SPAG16: variants seen among roughly 807,000 people sequenced by gnomAD.
SPAG16 encodes the protein sperm-associated antigen 16 protein.
In SPAG16, 86 loss-of-function variants were observed where a neutral mutation model predicts 80.4. The ratio of observed to expected loss-of-function variants is 1.07; its 90% CI spans 0.90 to 1.28. The LOEUF (loss-of-function observed/expected upper bound fraction) is 1.28. SPAG16 is among the 50% of genes most tolerant of loss of function. SPAG16 has a pLI of 0.00. For synonymous variants in SPAG16, 294 were observed against 265.9 expected (o/e 1.11, Z -1.03); for missense variants, 870 against 765.3 (o/e 1.14, Z -1.61).
intron 10 of SPAG16, among the ~76,000 whole-genome samples, chr2:213,831,224 G>A (rs2073632895): frequency 6.6e-6 from 1 of 151,426 alleles, no homozygotes; most frequent in Non-Finnish European, 1.5e-5. Flanking sequence ...ATTTTTAGTA[G>A]AGACGGGGTT....
At chr2:213,719,508 C>T (rs890564223) in intron 10 of SPAG16, among the ~76,000 whole-genome samples, 1 of 152,174 alleles carries the variant, frequency 6.6e-6, no homozygotes, top group African/African-American at 2.4e-5. Flanking sequence ...CCAATCAGCA[C>T]CCTGACAAAA....
At chr2:214,052,898 G>A (rs1575989724) in intron 13 of SPAG16, among the ~76,000 whole-genome samples, 1 of 152,180 alleles carries the variant, frequency 6.6e-6, no homozygotes, top group African/African-American at 2.4e-5. Context: ...TGTGGTTGAG[G>A]TGCGTTAGAG....
chr2:213,405,480 C>T (rs74392856), intron 9 of SPAG16, among the ~76,000 whole-genome samples: 123 of 152,300 alleles, frequency 8.1e-4, no homozygotes, highest in African/African-American at 2.9e-3. Context: ...CTGTTGGGAA[C>T]ATTCCAAATA....
intron 13 of SPAG16, among the ~76,000 whole-genome samples, chr2:214,076,876 T>C (rs538464777): frequency 1.6e-4 from 25 of 152,258 alleles, no homozygotes; most frequent in African/African-American, 4.6e-4. Context: ...ACCATCAACT[T>C]GTACCCTGAT....
chr2:213,928,028 A>G (rs890680165), intron 11 of SPAG16, among the ~76,000 whole-genome samples: 5 of 152,218 alleles, frequency 3.3e-5, no homozygotes. Flanking sequence ...TGAAGGGACT[A>G]GCTGCCATTT....
intron 15 of SPAG16, among the ~76,000 whole-genome samples, chr2:214,205,176 A>T (rs2058107115): frequency 6.6e-6 from 1 of 152,120 alleles, no homozygotes; most frequent in Admixed American, 6.6e-5. Flanking sequence ...GTGAGCCAAG[A>T]TCACGCCACT....
chr2:213,467,644 A>C (rs779881687), intron 9 of SPAG16, among the ~76,000 whole-genome samples: 2 of 152,204 alleles, frequency 1.3e-5, no homozygotes, highest in Non-Finnish European at 2.9e-5. Context: ...CAACTTTCAG[A>C]GTCACTTGGG....
intron 10 of SPAG16, among the ~76,000 whole-genome samples, chr2:213,636,341 T>C (rs1179281469): frequency 6.6e-6 from 1 of 152,236 alleles, no homozygotes; most frequent in African/African-American, 2.4e-5. Context: ...CTTGCTGTTT[T>C]CATGACTATA....
intron 13 of SPAG16, among the ~76,000 whole-genome samples, chr2:214,081,136 T>C (rs2051371477): frequency 6.6e-6 from 1 of 151,198 alleles, no homozygotes; most frequent in African/African-American, 2.4e-5. Flanking sequence ...ACATTTAACA[T>C]ATATATATGC....
intron 13 of SPAG16, among the ~76,000 whole-genome samples, chr2:214,031,272 G>T (rs911116104): frequency 2.4e-4 from 36 of 151,484 alleles, no homozygotes; most frequent in African/African-American, 7.5e-4. Context: ...AAAATGATGA[G>T]TTCATGTCCT....
rs752327083 is a variant in SPAG16 at position 214,410,285 on chromosome 2, C to A, written c.1866C>A (p.Gly622=). ...ACGGGGAGATTCTCTTTTCTGGAGG[C>A]TCTGACGGCACAGTTCGAACGTGGT... ...SHDGEILFSG[G]SDGTVRTWS The change falls in exon 16 of 16, where the codon GGC becomes GGA. Residue 622 remains glycine (G), a synonymous_variant. Coordinates refer to ENST00000331683, the MANE Select transcript of SPAG16 (RefSeq NM_024532.5). 21 of 1,607,998 alleles carry A rather than the reference C, an allele frequency of 1.3e-5. No individual in the cohort carries two copies. The highest frequency in any genetic ancestry group is 1.3e-5 in the Non-Finnish European group (15 of 1,174,902).
chr2:214,351,727 AC>A (rs1375972473), intron 15 of SPAG16, among the ~76,000 whole-genome samples: 1 of 151,486 alleles, frequency 6.6e-6, no homozygotes, highest in Admixed American at 6.6e-5. Context: ...AACAAAAAAA[AC>A]AACAAAACTT....
At chr2:213,407,594 CAGGA>C (rs1486804844) in intron 9 of SPAG16, among the ~76,000 whole-genome samples, 2 of 104,594 alleles carry the variant, frequency 1.9e-5, no homozygotes, top group East Asian at 6.0e-4. Context: ...GAGAGAGAGA[CAGGA>C]GAGAGAGAGA....
intron 10 of SPAG16, among the ~76,000 whole-genome samples, chr2:213,710,372 G>C (rs545563006): frequency 6.6e-6 from 1 of 151,958 alleles, no homozygotes; most frequent in African/African-American, 2.4e-5. Flanking sequence ...ATTACGTCAT[G>C]CTTTTTAAAG....
At chr2:213,921,328 G>A (rs1163270570) in intron 11 of SPAG16, among the ~76,000 whole-genome samples, 1 of 152,160 alleles carries the variant, frequency 6.6e-6, no homozygotes, top group Admixed American at 6.5e-5. Context: ...AACTAGGATT[G>A]CAACCCCTGC....
At chr2:213,547,966 C>T (rs1278380390) in intron 10 of SPAG16, among the ~76,000 whole-genome samples, 1 of 152,134 alleles carries the variant, frequency 6.6e-6, no homozygotes, top group East Asian at 1.9e-4. Flanking sequence ...TTCATTTAAT[C>T]TGTTTCCAAT....
intron 10 of SPAG16, among the ~76,000 whole-genome samples, chr2:213,624,225 A>C (rs2061881281): frequency 7.4e-6 from 1 of 134,882 alleles, no homozygotes; most frequent in African/African-American, 2.9e-5. Flanking sequence ...TAAAGGGAGA[A>C]TATCAATGGT....
chr2:213,711,161 A>G (rs78061154), intron 10 of SPAG16, among the ~76,000 whole-genome samples: 10,128 of 152,182 alleles, frequency 0.067, 1,044 homozygotes, highest in African/African-American at 0.22. Flanking sequence ...AGCATGGTCC[A>G]GTCATCCAAC....
At chr2:214,251,751 G>A (rs1410687498) in intron 15 of SPAG16, among the ~76,000 whole-genome samples, 2 of 152,098 alleles carry the variant, frequency 1.3e-5, no homozygotes, top group African/African-American at 4.8e-5. Flanking sequence ...CCTCAGACAT[G>A]TTCCACTATA....
Sources: allele counts gnomAD v4.1 joint callset (sites outside exome capture counted in the v4.1 genomes callset), GRCh38; gene constraint gnomAD v4.1.1; transcripts MANE v1.5; gene names NCBI Gene and HGNC (gene_info 2026-07-23, HGNC 2026-07-21).